UNC5C: variants seen among roughly 807,000 people sequenced by gnomAD.
The protein encoded by UNC5C is unc-5 netrin receptor C, also known as netrin receptor UNC5C.
In UNC5C, 47 loss-of-function variants were observed where a neutral mutation model predicts 99.8. That is an observed-to-expected ratio of 0.47 (90% CI 0.37 to 0.60). The LOEUF (loss-of-function observed/expected upper bound fraction) is 0.60, where lower values mean the gene tolerates loss of function less well. UNC5C is among the 20% of genes least tolerant of loss of function. The probability of loss-of-function intolerance (pLI) is 0.00; values close to 1 mark genes in which losing one functional copy is unlikely to be tolerated. For synonymous variants in UNC5C, 487 were observed against 452.2 expected, an observed-to-expected ratio of 1.08 and a Z score of -0.98; for missense variants, 1,062 against 1,165.9, an observed-to-expected ratio of 0.91 and a Z score of 1.30.
At chr4:95,202,626 C>A in intron 12 of UNC5C, 105 bp downstream of exon 12, 1 of 1,122,394 alleles carries the variant, frequency 8.9e-7, no homozygotes, top group Non-Finnish European at 1.3e-6. Flanking sequence ...CGTGTCCACA[C>A]ACTTGGGTGC....
intron 1 of UNC5C, among the ~76,000 whole-genome samples, chr4:95,440,544 C>T (rs1560833428): frequency 6.6e-6 from 1 of 152,122 alleles, no homozygotes; most frequent in East Asian, 1.9e-4. Flanking sequence ...GAAGACTCTA[C>T]TTACTTCTTT....
At chr4:95,192,065 C>A (rs1363314569) in intron 12 of UNC5C, among the ~76,000 whole-genome samples, 2 of 142,724 alleles carry the variant, frequency 1.4e-5, no homozygotes, top group Non-Finnish European at 1.5e-5. Context: ...CCCTCTTCCC[C>A]TGCTCACCTC....
At chr4:95,297,879 C>G (rs900650484) in intron 3 of UNC5C, among the ~76,000 whole-genome samples, 6 of 152,226 alleles carry the variant, frequency 3.9e-5, no homozygotes, top group African/African-American at 1.4e-4. Flanking sequence ...CATCACTGGT[C>G]TTCCTGCTTC....
At chr4:95,447,792 G>A (rs1223078273) in intron 1 of UNC5C, among the ~76,000 whole-genome samples, 4 of 152,096 alleles carry the variant, frequency 2.6e-5, no homozygotes, top group Non-Finnish European at 4.4e-5. Context: ...GACCCACTGC[G>A]CCCAGCCTGT....
intron 1 of UNC5C, among the ~76,000 whole-genome samples, chr4:95,522,013 A>G (rs1239364138): frequency 6.6e-6 from 1 of 152,148 alleles, no homozygotes; most frequent in African/African-American, 2.4e-5. Context: ...TGAAAAAAAT[A>G]TGACCATATT....
intron 1 of UNC5C, among the ~76,000 whole-genome samples, chr4:95,516,580 C>T (rs576436110): frequency 6.6e-6 from 1 of 152,270 alleles, no homozygotes; most frequent in East Asian, 1.9e-4. Context: ...ATGCCAGTGG[C>T]AGTCGGCCGC....
intron 1 of UNC5C, among the ~76,000 whole-genome samples, chr4:95,350,887 C>T (rs1222723003): frequency 1.3e-5 from 2 of 152,016 alleles, no homozygotes; most frequent in African/African-American, 4.8e-5. Context: ...GTGATTGAGA[C>T]CACAATTAGT....
chr4:95,170,556 C>T (rs1217092405), intron 14 of UNC5C, among the ~76,000 whole-genome samples: 3 of 152,096 alleles, frequency 2.0e-5, no homozygotes, highest in Non-Finnish European at 4.4e-5. Context: ...TTTGCATAGC[C>T]TCAGATTTGT....
At chr4:95,240,393 C>A (rs538049160) in intron 7 of UNC5C, among the ~76,000 whole-genome samples, 2 of 152,232 alleles carry the variant, frequency 1.3e-5, no homozygotes, top group South Asian at 2.1e-4. Flanking sequence ...TTACACAGTG[C>A]AGAATATCTC....
intron 2 of UNC5C, among the ~76,000 whole-genome samples, chr4:95,310,050 A>G (rs2149407625): frequency 6.6e-6 from 1 of 152,330 alleles, no homozygotes; most frequent in African/African-American, 2.4e-5. Flanking sequence ...GTGTCCATCA[A>G]TAGATGAGTG....
chr4:95,324,914 A>G (rs183309517), intron 2 of UNC5C, among the ~76,000 whole-genome samples: 1 of 152,332 alleles, frequency 6.6e-6, no homozygotes, highest in Admixed American at 6.5e-5. Context: ...GTATTTTGCT[A>G]CAGCAGCCCA....
chr4:95,277,448 C>T (rs1464887183), intron 4 of UNC5C, among the ~76,000 whole-genome samples: 1 of 152,154 alleles, frequency 6.6e-6, no homozygotes, highest in African/African-American at 2.4e-5. Context: ...TCCTAATAAT[C>T]ATTTAAAGGG....
At position 95,385,171 on chromosome 4, in the gene UNC5C, A is replaced by G. The variant is rs886825773; in HGVS notation, c.125-49540T>C. ...TTTGTAGACTTGCAGTCAAAGAAAA[A>G]AAAACTTTTCATGCTCATAAAGACT... On this transcript the variant is annotated intron_variant, in intron 1 of 15. Transcript: ENST00000453304. 5.9e-5 allele frequency among the ~76,000 whole-genome samples: 9 copies of G among 152,292 alleles called. No homozygotes were observed. The East Asian group carries it at 1.3e-3, about 23-fold the overall frequency.
chr4:95,352,998 TA>T (rs1203657089), intron 1 of UNC5C, among the ~76,000 whole-genome samples: 2 of 152,196 alleles, frequency 1.3e-5, no homozygotes, highest in African/African-American at 4.8e-5. Flanking sequence ...CCATTTCACT[TA>T]ATACCATTCC....
At chr4:95,227,139 GT>G (rs11366627) in intron 7 of UNC5C, among the ~76,000 whole-genome samples, 23,625 of 144,718 alleles carry the variant, frequency 0.16, 3,396 homozygotes, top group African/African-American at 0.41. Context: ...TTAAAACAAT[GT>G]TTTTTTTTTT....
At chr4:95,408,547 C>T (rs1435918014) in intron 1 of UNC5C, among the ~76,000 whole-genome samples, 1 of 152,116 alleles carries the variant, frequency 6.6e-6, no homozygotes, top group Non-Finnish European at 1.5e-5. Flanking sequence ...AATAGTAAAG[C>T]ATTTGTTACC....
intron 2 of UNC5C, among the ~76,000 whole-genome samples, chr4:95,317,953 C>T (rs1368348668): frequency 6.6e-6 from 1 of 152,058 alleles, no homozygotes; most frequent in African/African-American, 2.4e-5. Flanking sequence ...TGGTGTCCCA[C>T]AAAGGATATG....
intron 1 of UNC5C, among the ~76,000 whole-genome samples, chr4:95,417,782 G>A (rs1190938621): frequency 6.6e-6 from 1 of 152,056 alleles, no homozygotes; most frequent in African/African-American, 2.4e-5. Context: ...CTAAAAATGT[G>A]GTTGCTGTTG....
chr4:95,386,838 G>C (rs1745224850), intron 1 of UNC5C, among the ~76,000 whole-genome samples: 1 of 152,102 alleles, frequency 6.6e-6, no homozygotes, highest in South Asian at 2.1e-4. Flanking sequence ...GTGTGAAGCT[G>C]TGTTTTTTTT....
Sources: gnomAD v4.1 joint callset for allele counts (sites outside exome capture counted in the v4.1 genomes callset) on GRCh38, gnomAD v4.1.1 for gene constraint, MANE v1.5 for transcripts, NCBI Gene and HGNC (gene_info 2026-07-23, HGNC 2026-07-21) for gene names.